THRAP3: variants seen among roughly 807,000 people sequenced by gnomAD.
THRAP3 encodes thyroid hormone receptor-associated protein 3.
A neutral mutation model predicts 101.0 loss-of-function variants in THRAP3; 16 were observed. The observed-to-expected ratio is 0.16, with a 90% CI of 0.11 to 0.24. THRAP3 has a LOEUF of 0.24. Ranked by LOEUF, THRAP3 falls within the 10% of genes least tolerant of loss-of-function variation. The probability of loss-of-function intolerance (pLI) is 1.00; values close to 1 mark genes in which losing one functional copy is unlikely to be tolerated. For synonymous variants in THRAP3, 407 were observed against 422.6 expected (o/e 0.96, Z 0.45); for missense variants, 989 against 1,202.7 (o/e 0.82, Z 2.63).
Position 36,274,074 on chromosome 1 carries a change from TGTCACACACACACACACACACACA to T in THRAP3, c.-31-8458_-31-8435del, listed in dbSNP as rs1469812603. ...AAAAAAAAGACTGTGTGTGTGTGTG[TGTCACACACACACACACACACACA>T]CACACACACAGACAAAATGAGCTGT... On this transcript the variant is annotated intron_variant, in intron 2 of 11. Transcript: ENST00000354618. 6.2e-4 allele frequency among the ~76,000 whole-genome samples: 78 copies of T among 126,052 alleles called. 1 individual carries two copies. Among genetic ancestry groups the T allele is most frequent in the Non-Finnish European group, 4.6e-4 (29 of 63,038 alleles). The allele number at this position is 126,052 out of a possible 152,430, so 82.7% of individuals were successfully genotyped here.
At chr1:36,296,866 G>A in intron 9 of THRAP3, 96 bp downstream of exon 9, 2 of 1,011,348 alleles carry the variant, frequency 2.0e-6, no homozygotes, top group Non-Finnish European at 1.4e-6. Context: ...GGAGTTTAGG[G>A]TTAGTAATTA....
At chr1:36,228,081 C>T (rs1644982882) in intron 1 of THRAP3, among the ~76,000 whole-genome samples, 1 of 139,898 alleles carries the variant, frequency 7.1e-6, no homozygotes, top group Non-Finnish European at 1.5e-5. Flanking sequence ...GAGTCTTCCT[C>T]TGTTGCCCAG....
rs751384808 is a variant in THRAP3, at chr1:36,287,007, G to A, written c.777G>A (p.Val259=). The part of the protein sequence containing the change: ...PALKSPLQSV[V]VRRRSPRPSP... ...TCAAAAGCCCCCTCCAGTCTGTGGT[G>A]GTGAGGCGGCGGTCACCCCGTCCTA... The change falls in exon 4 of 12, where the codon GTG becomes GTA. Residue 259 remains valine, a synonymous_variant. Coordinates refer to ENST00000354618, the MANE Select transcript of THRAP3 (RefSeq NM_005119.4). 6.2e-6 allele frequency: 10 copies of A among 1,614,088 alleles called. No individual in the cohort carries two copies. The highest frequency in any genetic ancestry group is 1.3e-5 in the African/African-American group (1 of 74,942).
At chr1:36,265,226 A>C (rs920137883) in intron 2 of THRAP3, among the ~76,000 whole-genome samples, 1 of 152,232 alleles carries the variant, frequency 6.6e-6, no homozygotes, top group African/African-American at 2.4e-5. Flanking sequence ...TTAATGAACC[A>C]GTATGAAACT....
At position 36,226,625 on chromosome 1, in the gene THRAP3, G is replaced by A. The variant is rs1402472571; in HGVS notation, c.-135+2120G>A. ...CATTTTAGGGCGCTACCCTGTTTCT[G>A]TAGGGCATATTGACATCCTGAATGC... On this transcript the variant is annotated intron_variant, in intron 1 of 11. Coordinates refer to ENST00000354618, the MANE Select transcript of THRAP3 (RefSeq NM_005119.4). Among the ~76,000 whole-genome samples the A allele has an allele frequency of 5.9e-5, 9 of 152,308 alleles. No homozygotes were observed. The East Asian group carries it at 1.5e-3, about 26-fold the overall frequency.
At chr1:36,290,839 A>C (rs1645858445) in intron 5 of THRAP3, among the ~76,000 whole-genome samples, 1 of 152,200 alleles carries the variant, frequency 6.6e-6, no homozygotes, top group Non-Finnish European at 1.5e-5. Context: ...TGGGAGGCCA[A>C]GGCTGACTGG....
intron 1 of THRAP3, among the ~76,000 whole-genome samples, chr1:36,243,827 T>C (rs1441835579): frequency 7.3e-6 from 1 of 137,122 alleles, no homozygotes; most frequent in African/African-American, 2.7e-5. Flanking sequence ...GGCGGGGGGC[T>C]GACCCCCACA....
rs539489896 is a variant in THRAP3 at position 36,243,727 on chromosome 1, G to A, written c.-134-15655G>A. ...GAGCCGCTGGGCACACCTCCCAGAC[G>A]GGGCGGTGGCCGGGCAGAGGGGCTC... On this transcript the variant is annotated intron_variant, in intron 1 of 11. Coordinates refer to ENST00000354618, the MANE Select transcript of THRAP3 (RefSeq NM_005119.4). Among the ~76,000 whole-genome samples the A allele has an allele frequency of 2.1e-3, 320 of 152,242 alleles. 1 individual carries two copies. The highest frequency in any genetic ancestry group is 3.5e-3 in the Non-Finnish European group (238 of 67,988).
At chr1:36,217,231 T>C in the THRAP3 span, among the ~76,000 whole-genome samples, 2 of 152,142 alleles carry the variant, frequency 1.3e-5, no homozygotes, top group African/African-American at 4.8e-5. Flanking sequence ...TCTGGCAGGG[T>C]GGATTTGAGA....
chr1:36,271,242 C>A (rs1645586820), intron 2 of THRAP3, among the ~76,000 whole-genome samples: 1 of 152,196 alleles, frequency 6.6e-6, no homozygotes, highest in Admixed American at 6.5e-5. Flanking sequence ...TTAAGAATTT[C>A]AGTACCAAGT....
chr1:36,270,222 C>A (rs1288309496), intron 2 of THRAP3, among the ~76,000 whole-genome samples: 3 of 152,114 alleles, frequency 2.0e-5, no homozygotes. Flanking sequence ...GACCTTGTCT[C>A]TACAAAAAAT....
intron 6 of THRAP3, among the ~76,000 whole-genome samples, chr1:36,292,264 C>CTTT (rs774003081): frequency 0.013 from 258 of 20,466 alleles, 11 homozygotes; most frequent in African/African-American, 0.037. Flanking sequence ...TTCTTTGTTT[C>CTTT]TTTTTTTTTT....
At chr1:36,259,306 T>C (rs537887784) in intron 1 of THRAP3, 76 bp from the exon 2 acceptor site, 139 of 397,550 alleles carry the variant, frequency 3.5e-4, no homozygotes, top group African/African-American at 2.6e-3. Context: ...GGTTTGTGTT[T>C]ATAGATTTTG....
At chr1:36,220,953 C>CAAAAAAAAAAAAAAAA (rs1206488922), upstream of THRAP3, among the ~76,000 whole-genome samples, 1 of 44,404 alleles carries the variant, frequency 2.3e-5, no homozygotes, top group African/African-American at 1.3e-4. Context: ...GAGACTGTCT[C>CAAAAAAAAAAAAAAAA]AAAAAAAAAA....
intron 1 of THRAP3, among the ~76,000 whole-genome samples, chr1:36,232,207 C>T (rs1424468347): frequency 2.0e-5 from 3 of 151,972 alleles, no homozygotes; most frequent in Non-Finnish European, 4.4e-5. Context: ...CAGAGGAGAC[C>T]CTATCTCGAA....
At chr1:36,212,881 T>G in the THRAP3 span, among the ~76,000 whole-genome samples, 1 of 152,038 alleles carries the variant, frequency 6.6e-6, no homozygotes, top group Non-Finnish European at 1.5e-5. Context: ...ACAAACGCAG[T>G]TGGTGTTGGA....
chr1:36,283,060 G>T lies in THRAP3; in HGVS notation c.137+360G>T, dbSNP rs114712570. 7.8e-3 allele frequency among the ~76,000 whole-genome samples: 1,188 copies of T among 152,278 alleles called. 10 individuals carry two copies. The highest frequency in any genetic ancestry group is 0.027 in the African/African-American group (1,133 of 41,550). ...CAAAGTTTATGTGCATCACTGCAAA[G>T]AAAGGATAGCTAAGAGGATTAATAA... On this transcript the variant is annotated intron_variant, in intron 3 of 11. Transcript: ENST00000354618.
chr1:36,285,831 T>A (rs148282860), intron 3 of THRAP3, among the ~76,000 whole-genome samples: 12 of 152,354 alleles, frequency 7.9e-5, no homozygotes, highest in Non-Finnish European at 1.3e-4. Context: ...ACTATACTTT[T>A]AACGATCCCA....
intron 2 of THRAP3, among the ~76,000 whole-genome samples, chr1:36,268,872 C>T (rs1476044948): frequency 1.3e-5 from 2 of 152,062 alleles, no homozygotes; most frequent in Non-Finnish European, 2.9e-5. Flanking sequence ...ACTACAGGCG[C>T]CCGCCACCAC....
Sources: allele counts gnomAD v4.1 joint callset (sites outside exome capture counted in the v4.1 genomes callset), GRCh38; gene constraint gnomAD v4.1.1; transcripts MANE v1.5; gene names NCBI Gene and HGNC (gene_info 2026-07-23, HGNC 2026-07-21).